Variants in KIFC3 observed in about 807,000 individuals in gnomAD.
KIFC3 encodes kinesin family member C3.
Under a neutral mutation model 101.8 loss-of-function variants are expected in KIFC3, and 60 were observed. That is an observed-to-expected ratio of 0.59 (90% CI 0.48 to 0.73). The LOEUF is 0.73. Ranked by LOEUF, KIFC3 falls within the 30% of genes least tolerant of loss-of-function variation. KIFC3 has a pLI of 0.00. For synonymous variants in KIFC3, 476 were observed against 482.7 expected (o/e 0.99, Z 0.18); for missense variants, 966 against 1,137.1 (o/e 0.85, Z 2.16).
At position 57,761,186 on chromosome 16, in the gene KIFC3, G is replaced by C. The variant is rs559009936; in HGVS notation, c.1873-15C>G. On this transcript the variant is annotated splice_polypyrimidine_tract_variant and intron_variant, in intron 14 of 19. Coordinates refer to ENST00000445690, the MANE Select transcript of KIFC3 (RefSeq NM_001130100.2). Reference sequence around the variant, plus strand: ...AACTCAAACACCTGGGGGATTGGGAGGAGGGCAGAGGCACAGCGTTGAGAA... The same window carrying C: ...AACTCAAACACCTGGGGGATTGGGACGAGGGCAGAGGCACAGCGTTGAGAA... The C allele has an allele frequency of 6.2e-7, 1 of 1,613,080 alleles. No homozygotes were observed. The highest frequency in any genetic ancestry group is 8.5e-7 in the Non-Finnish European group (1 of 1,179,608).
intron 11 of KIFC3, 22 bp from the exon 12 acceptor site, chr16:57,764,269 G>T: frequency 3.0e-6 from 4 of 1,355,056 alleles, no homozygotes; most frequent in South Asian, 1.2e-5. Flanking sequence ...GTGGGAGGGA[G>T]GCTGGTGGGG....
intron 1 of KIFC3, among the ~76,000 whole-genome samples, chr16:57,832,019 G>GTTTTGT (rs1225589202): frequency 6.7e-6 from 1 of 148,594 alleles, no homozygotes; most frequent in Non-Finnish European, 1.5e-5. Flanking sequence ...GTTTTGTTTT[G>GTTTTGT]TTTTGTTTTT....
chr16:57,790,078 CTTTT>C (rs782291808), intron 3 of KIFC3, among the ~76,000 whole-genome samples: 1 of 94,088 alleles, frequency 1.1e-5, no homozygotes, highest in South Asian at 4.0e-4. Flanking sequence ...TTCTTTCTTT[CTTTT>C]TTTTTTTTTT....
upstream of KIFC3, chr16:57,802,626 C>T (rs1201298532): frequency 2.3e-5 from 25 of 1,066,482 alleles, no homozygotes; most frequent in Non-Finnish European, 2.9e-5. The surrounding 1 kb of genome is among the most constrained non-coding windows in gnomAD (Gnocchi z 5.0). Flanking sequence ...AGCCCGGGCG[C>T]GCCCCCGCAG....
In KIFC3 at chr16:57,802,367, C is replaced by T; in HGVS notation, c.-40+3G>A. On this transcript the variant is annotated splice_donor_region_variant and intron_variant, in intron 1 of 19. Coordinates refer to ENST00000445690, the MANE Select transcript of KIFC3 (RefSeq NM_001130100.2). The surrounding 1 kb of genome is among the most constrained non-coding windows in gnomAD (Gnocchi z 5.0). ...ACCCAGCCCGCCCGGGCCCCCCACT[C>T]ACCGGCCTGGCGGAGGCAGGATCCA... 1.0e-6 allele frequency: 1 copy of T among 983,544 alleles called. No homozygotes were observed. The highest frequency in any genetic ancestry group is 1.2e-6 in the Non-Finnish European group (1 of 829,030). The allele number at this position is 983,544 out of a possible 1,614,324, so 60.9% of individuals were successfully genotyped here. A position where few individuals can be genotyped will look rare whatever the true frequency, so the allele number is the denominator to read the frequency against.
chr16:57,772,163 G>A, intron 4 of KIFC3, 60 bp downstream of exon 4: 1 of 1,464,028 alleles, frequency 6.8e-7, no homozygotes, highest in Non-Finnish European at 9.4e-7. Context: ...CCCTGGCAGG[G>A]CCCATCTGCA....
Position 57,765,465 on chromosome 16 carries a change from C to A in KIFC3, c.1506G>T (p.Gln502His). 6.3e-7 allele frequency: 1 copy of A among 1,578,102 alleles called. No individual in the cohort carries two copies. The highest frequency in any genetic ancestry group is 1.2e-5 in the South Asian group (1 of 86,360). Residue 502 changes from glutamine to histidine, a missense_variant, in exon 11 of 20, where the codon CAG becomes CAT. Coordinates refer to ENST00000445690, the MANE Select transcript of KIFC3 (RefSeq NM_001130100.2). Reference protein sequence around the residue: ...LDKVFSPQASQQDVFQEVQAL... With the variant: ...LDKVFSPQASHQDVFQEVQAL... ...CGCATGGGGCCACACTCACGTCCTGCTGCGAGGCCTGTGGGGAGAAGACCT... is the reference window on the plus strand; with the variant it reads ...CGCATGGGGCCACACTCACGTCCTGATGCGAGGCCTGTGGGGAGAAGACCT...
intron 1 of KIFC3, among the ~76,000 whole-genome samples, chr16:57,811,777 A>G (rs1568076046): frequency 1.3e-5 from 2 of 151,854 alleles, no homozygotes; most frequent in African/African-American, 4.8e-5. Flanking sequence ...TTAGCCGGGC[A>G]TGGTGGCATA....
At chr16:57,847,888 C>A (rs906985466) in intron 1 of KIFC3, among the ~76,000 whole-genome samples, 7 of 151,576 alleles carry the variant, frequency 4.6e-5, no homozygotes, top group Non-Finnish European at 1.0e-4. Flanking sequence ...GAGATTCAAG[C>A]AATTCTTGTG....
At chr16:57,782,567 G>C (rs1555615409) in intron 3 of KIFC3, among the ~76,000 whole-genome samples, 1 of 152,332 alleles carries the variant, frequency 6.6e-6, no homozygotes, top group Non-Finnish European at 1.5e-5. Context: ...TCTCCACAAG[G>C]TCGGGCCCTC....
intron 1 of KIFC3, among the ~76,000 whole-genome samples, chr16:57,835,810 T>C (rs1426425687): frequency 6.6e-6 from 1 of 152,076 alleles, no homozygotes; most frequent in Non-Finnish European, 1.5e-5. Context: ...ATTAGCCAGA[T>C]ATGGTGGCAT....
chr16:57,763,836 C>T (rs928148462), intron 12 of KIFC3, among the ~76,000 whole-genome samples: 4 of 152,182 alleles, frequency 2.6e-5, no homozygotes, highest in African/African-American at 9.7e-5. Flanking sequence ...TGAAATGCAG[C>T]CCTGGTCCTG....
chr16:57,813,779 G>C, intron 1 of KIFC3: 2 of 985,490 alleles, frequency 2.0e-6, no homozygotes, highest in Non-Finnish European at 2.4e-6. Context: ...AGAGGGAAGA[G>C]AACCGGGGAC....
intron 3 of KIFC3, chr16:57,775,867 C>T (rs1349472431): frequency 1.0e-6 from 1 of 985,442 alleles, no homozygotes; most frequent in African/African-American, 1.7e-5. Context: ...CTGTGCGACA[C>T]TCCTCCCGGG....
intron 3 of KIFC3, among the ~76,000 whole-genome samples, chr16:57,784,883 C>T (rs1400785638): frequency 1.3e-5 from 2 of 152,160 alleles, no homozygotes; most frequent in Non-Finnish European, 2.9e-5. Context: ...GCCAATGGTA[C>T]CCAAATGTCC....
chr16:57,828,167 C>G (rs2055497148), intron 1 of KIFC3, among the ~76,000 whole-genome samples: 1 of 152,244 alleles, frequency 6.6e-6, no homozygotes, highest in Non-Finnish European at 1.5e-5. Flanking sequence ...CGCTCCTCCT[C>G]CTCCTCTCCT....
At position 57,760,597 on chromosome 16, in the gene KIFC3, T is replaced by C. The variant is rs2049723518; in HGVS notation, c.2232+129A>G. ...AAGGTGGAGAGGAGGGACTGGGAGT[T>C]ACACAGGGTGTGTGTGGCCAGGTCT... On this transcript the variant is annotated intron_variant, in intron 16 of 19. Coordinates refer to ENST00000445690, the MANE Select transcript of KIFC3 (RefSeq NM_001130100.2). 3 of 1,074,500 alleles carry C rather than the reference T, an allele frequency of 2.8e-6. No individual in the cohort carries two copies. In the East Asian group the frequency reaches 7.3e-5, roughly 26 times the overall value. The allele number at this position is 1,074,500 out of a possible 1,614,324, so 66.6% of individuals were successfully genotyped here.
intron 1 of KIFC3, among the ~76,000 whole-genome samples, chr16:57,823,746 C>T (rs924056495): frequency 3.7e-5 from 5 of 133,402 alleles, no homozygotes; most frequent in African/African-American, 1.3e-4. Flanking sequence ...GTGTGCACCA[C>T]CACACCCGGC....
At chr16:57,860,413 A>C (rs1487039746) in intron 1 of KIFC3, among the ~76,000 whole-genome samples, 1 of 152,236 alleles carries the variant, frequency 6.6e-6, no homozygotes, top group East Asian at 1.9e-4. Flanking sequence ...AAGATCATGC[A>C]TTGCACTCCA....
Sources: allele counts gnomAD v4.1 joint callset (sites outside exome capture counted in the v4.1 genomes callset), GRCh38; gene constraint gnomAD v4.1.1; non-coding constraint Gnocchi (gnomAD v3.1); transcripts MANE v1.5; gene names NCBI Gene and HGNC (gene_info 2026-07-23, HGNC 2026-07-21).